The following CSMD3 variants were observed in gnomAD, a reference collection of about 807,000 sequenced individuals.
The protein encoded by CSMD3 is CUB and sushi domain-containing protein 3.
Under a neutral mutation model 435.2 loss-of-function variants are expected in CSMD3, and 177 were observed. The ratio of observed to expected loss-of-function variants is 0.41; its 90% CI spans 0.36 to 0.46. CSMD3 has a LOEUF of 0.46. Among genes scored for constraint, CSMD3 ranks in the 20% least tolerant of loss-of-function variants. The pLI is 0.34. For missense variants in CSMD3, 4,265 were observed against 4,504.6 expected (o/e 0.95, Z 1.52); for synonymous variants, 1,656 against 1,520.5 (o/e 1.09, Z -2.07).
intron 4 of CSMD3, among the ~76,000 whole-genome samples, chr8:113,170,237 A>G (rs186772426): frequency 1.3e-5 from 2 of 152,290 alleles, no homozygotes; most frequent in African/African-American, 2.4e-5. Flanking sequence ...TTTCTTTGGA[A>G]ATGAATGACA....
intron 11 of CSMD3, among the ~76,000 whole-genome samples, chr8:112,835,352 C>A (rs1313140995): frequency 1.3e-5 from 2 of 151,846 alleles, no homozygotes; most frequent in African/African-American, 4.8e-5. Flanking sequence ...CCACTTAATA[C>A]CCATTAACAT....
At chr8:112,397,465 A>G (rs16883549) in intron 35 of CSMD3, among the ~76,000 whole-genome samples, 31,140 of 152,186 alleles carry the variant, frequency 0.2, 3,914 homozygotes, top group East Asian at 0.44. Flanking sequence ...GCACTTTTAA[A>G]CTGCCTCATT....
intron 61 of CSMD3, among the ~76,000 whole-genome samples, chr8:112,262,858 A>T (rs1816555922): frequency 6.6e-6 from 1 of 152,134 alleles, no homozygotes; most frequent in Non-Finnish European, 1.5e-5. Context: ...ACTTTGAATG[A>T]GGTGAGAAAA....
At chr8:113,128,802 A>T (rs1437878302) in intron 4 of CSMD3, among the ~76,000 whole-genome samples, 3 of 152,082 alleles carry the variant, frequency 2.0e-5, no homozygotes, top group Non-Finnish European at 4.4e-5. Context: ...AAATTAATAC[A>T]TAGCTACATA....
intron 2 of CSMD3, among the ~76,000 whole-genome samples, chr8:113,292,740 A>T (rs966901264): frequency 6.6e-6 from 1 of 151,834 alleles, no homozygotes; most frequent in African/African-American, 2.4e-5. Context: ...GTTACATTGG[A>T]GGTAATATTA....
intron 38 of CSMD3, among the ~76,000 whole-genome samples, chr8:112,369,780 G>T (rs1358244842): frequency 6.6e-6 from 1 of 151,674 alleles, no homozygotes; most frequent in African/African-American, 2.4e-5. Flanking sequence ...TTAAAACCTG[G>T]ATTACAGTTT....
At chr8:112,461,285 T>C (rs1042615007) in intron 32 of CSMD3, among the ~76,000 whole-genome samples, 1 of 152,156 alleles carries the variant, frequency 6.6e-6, no homozygotes, top group Non-Finnish European at 1.5e-5. Context: ...ATCTTCTAGC[T>C]TTAATCTGTC....
intron 22 of CSMD3, among the ~76,000 whole-genome samples, chr8:112,632,064 T>C (rs1438869626): frequency 6.6e-6 from 1 of 151,982 alleles, no homozygotes; most frequent in Non-Finnish European, 1.5e-5. Context: ...GAGGTTAAGA[T>C]AAAGTAAATA....
intron 10 of CSMD3, among the ~76,000 whole-genome samples, chr8:112,883,620 T>G (rs1449382905): frequency 1.3e-5 from 2 of 151,974 alleles, no homozygotes; most frequent in African/African-American, 4.8e-5. Context: ...CATATTCTCT[T>G]AACCCAGTTC....
chr8:112,244,544 C>T lies in CSMD3; in HGVS notation c.10252G>A (p.Ala3418Thr), dbSNP rs1294829796. 1 of 1,613,780 alleles carries T rather than the reference C, an allele frequency of 6.2e-7. No homozygotes were observed. The highest frequency in any genetic ancestry group is 8.5e-7 in the Non-Finnish European group (1 of 1,179,814). Residue 3418 changes from alanine (A) to threonine (T), a missense_variant, in exon 65 of 71, where the codon GCT (alanine) becomes ACT (threonine). Physicochemically the swap from Ala to Thr is moderately conservative, Grantham distance 58. Coordinates refer to ENST00000297405, the MANE Select transcript of CSMD3 (RefSeq NM_198123.2). ...PHSCKQPETPAHANVVGMDLP... is the reference protein window; with the variant it reads ...PHSCKQPETPTHANVVGMDLP... ...TCCATCCCTACGACATTTGCATGAG[C>T]AGGAGTTTCTGGCTGTTTACAGCTG...
At position 112,619,873 on chromosome 8, in the gene CSMD3, T is replaced by C. The variant is rs1268590936; in HGVS notation, c.3715+16944A>G. Among the ~76,000 whole-genome samples the C allele has an allele frequency of 9.2e-5, 14 of 152,014 alleles. 1 individual carries two copies. ...ATCCAGTATCCATAATAGTGAGACA[T>C]TAAGATATTATATAATACCCATGAG... On this transcript the variant is annotated intron_variant, in intron 22 of 70. Coordinates refer to ENST00000297405, the MANE Select transcript of CSMD3 (RefSeq NM_198123.2).
intron 4 of CSMD3, among the ~76,000 whole-genome samples, chr8:113,171,910 C>T (rs1036343602): frequency 6.6e-6 from 1 of 152,174 alleles, no homozygotes; most frequent in Admixed American, 6.5e-5. Context: ...CCTTGAGAGA[C>T]GGAGATAGTG....
chr8:112,578,244 A>C (rs181070464), intron 23 of CSMD3, among the ~76,000 whole-genome samples: 1 of 152,020 alleles, frequency 6.6e-6, no homozygotes, highest in Non-Finnish European at 1.5e-5. Flanking sequence ...AAACAGCTAC[A>C]TAATGTATTC....
chr8:112,695,087 T>G (rs1172791556), intron 13 of CSMD3, among the ~76,000 whole-genome samples: 1 of 152,092 alleles, frequency 6.6e-6, no homozygotes, highest in Non-Finnish European at 1.5e-5. Flanking sequence ...ATCGGGTCAC[T>G]TCCACTCTAA....
intron 28 of CSMD3, among the ~76,000 whole-genome samples, chr8:112,514,876 A>T (rs1823508655): frequency 1.3e-5 from 2 of 152,052 alleles, no homozygotes; most frequent in South Asian, 4.1e-4. Flanking sequence ...AGCATTCTGC[A>T]GCCTTAGCAA....
chr8:112,301,699 T>C (rs578187624), intron 53 of CSMD3, 94 bp downstream of exon 53: 1 of 904,084 alleles, frequency 1.1e-6, no homozygotes, highest in South Asian at 1.4e-5. Flanking sequence ...TGAATGAATA[T>C]AAATTAGTAT....
chr8:112,500,828 C>A (rs1821866131), intron 30 of CSMD3, among the ~76,000 whole-genome samples: 1 of 151,792 alleles, frequency 6.6e-6, no homozygotes, highest in African/African-American at 2.4e-5. Flanking sequence ...GCTTCATCTG[C>A]CCTTCTGTTT....
At chr8:113,290,837 A>G (rs955123549) in intron 2 of CSMD3, among the ~76,000 whole-genome samples, 10 of 151,546 alleles carry the variant, frequency 6.6e-5, no homozygotes, top group African/African-American at 2.4e-4. Flanking sequence ...TAAAATAATA[A>G]TCATAGGCCA....
At chr8:112,468,556 C>G (rs191929558) in intron 32 of CSMD3, among the ~76,000 whole-genome samples, 1 of 151,926 alleles carries the variant, frequency 6.6e-6, no homozygotes, top group Non-Finnish European at 1.5e-5. Flanking sequence ...AAAAATTTTC[C>G]CTCTGACAAT....
Sources: gnomAD v4.1 joint callset for allele counts (sites outside exome capture counted in the v4.1 genomes callset) on GRCh38, gnomAD v4.1.1 for gene constraint, MANE v1.5 for transcripts, NCBI Gene and HGNC (gene_info 2026-07-23, HGNC 2026-07-21) for gene names.